ADAMTSL3: variants seen among roughly 807,000 people sequenced by gnomAD.
ADAMTSL3 encodes the protein ADAMTS like 3.
Under a neutral mutation model 201.7 loss-of-function variants are expected in ADAMTSL3, and 128 were observed. That is an observed-to-expected ratio of 0.63 (90% CI 0.55 to 0.73). The LOEUF is 0.73. Among genes scored for constraint, ADAMTSL3 ranks in the 30% least tolerant of loss-of-function variants. The probability of loss-of-function intolerance (pLI) is 0.00; values close to 1 mark genes in which losing one functional copy is unlikely to be tolerated. For missense variants in ADAMTSL3, 1,990 were observed against 2,119.6 expected, an observed-to-expected ratio of 0.94 and a Z score of 1.20; for synonymous variants, 738 against 748.4, an observed-to-expected ratio of 0.99 and a Z score of 0.23.
chr15:83,928,177 T>C (rs2066284910), intron 17 of ADAMTSL3, among the ~76,000 whole-genome samples: 1 of 151,968 alleles, frequency 6.6e-6, no homozygotes, highest in Non-Finnish European at 1.5e-5. Flanking sequence ...AGAGATTAGG[T>C]TTTTCTCTGT....
At chr15:83,799,371 C>G (rs991363467) in intron 4 of ADAMTSL3, among the ~76,000 whole-genome samples, 2 of 152,116 alleles carry the variant, frequency 1.3e-5, no homozygotes, top group African/African-American at 4.8e-5. Context: ...AATTTGATTA[C>G]TTTAAATAGT....
At chr15:83,676,642 C>T (rs2061409458) in intron 2 of ADAMTSL3, among the ~76,000 whole-genome samples, 1 of 152,192 alleles carries the variant, frequency 6.6e-6, no homozygotes, top group African/African-American at 2.4e-5. Flanking sequence ...TGCACCGCTG[C>T]ACTCCAGCCT....
intron 3 of ADAMTSL3, among the ~76,000 whole-genome samples, chr15:83,730,845 C>T (rs2062254210): frequency 6.6e-6 from 1 of 151,794 alleles, no homozygotes; most frequent in Admixed American, 6.6e-5. Context: ...AAATTCTTGC[C>T]AAGGCTAATA....
chr15:83,900,936 C>A (rs2065711676), intron 15 of ADAMTSL3, among the ~76,000 whole-genome samples: 1 of 152,158 alleles, frequency 6.6e-6, no homozygotes, highest in South Asian at 2.1e-4. Flanking sequence ...GTTTTTAGAT[C>A]CCTTCCCAAC....
chr15:83,829,723 T>G (rs1053149018), intron 6 of ADAMTSL3, among the ~76,000 whole-genome samples: 2 of 152,362 alleles, frequency 1.3e-5, no homozygotes, highest in African/African-American at 4.8e-5. Flanking sequence ...TCTGGTATGT[T>G]GTGTCTTTGT....
At chr15:83,844,343 TC>T (rs1018820843) in intron 7 of ADAMTSL3, among the ~76,000 whole-genome samples, 5 of 152,196 alleles carry the variant, frequency 3.3e-5, no homozygotes, top group Non-Finnish European at 7.3e-5. Context: ...TAAGATTTTT[TC>T]CCTTCATCCA....
At chr15:83,783,374 A>C (rs554840719) in intron 4 of ADAMTSL3, among the ~76,000 whole-genome samples, 7 of 152,250 alleles carry the variant, frequency 4.6e-5, no homozygotes, top group Admixed American at 4.6e-4. Flanking sequence ...AATTGTGACA[A>C]ATTCTAAAAC....
chr15:83,762,955 C>T (rs909223683), intron 3 of ADAMTSL3, among the ~76,000 whole-genome samples: 12 of 151,742 alleles, frequency 7.9e-5, no homozygotes, highest in Admixed American at 2.6e-4. Context: ...GATGCAGTCT[C>T]GGCTCACTGC....
chr15:83,823,039 A>G (rs1328710057), intron 6 of ADAMTSL3, among the ~76,000 whole-genome samples: 16 of 151,958 alleles, frequency 1.1e-4, no homozygotes, highest in Non-Finnish European at 2.1e-4. Flanking sequence ...CCAAAAAAAT[A>G]CGAAAACCAG....
intron 2 of ADAMTSL3, among the ~76,000 whole-genome samples, chr15:83,685,936 A>G (rs1038045476): frequency 6.6e-6 from 1 of 152,126 alleles, no homozygotes; most frequent in African/African-American, 2.4e-5. Flanking sequence ...TTTCCCTGTG[A>G]CTTCCCCCGG....
At chr15:83,929,318 T>G (rs2066306738) in intron 17 of ADAMTSL3, among the ~76,000 whole-genome samples, 1 of 152,166 alleles carries the variant, frequency 6.6e-6, no homozygotes, top group South Asian at 2.1e-4. Flanking sequence ...GCGGCGTTGA[T>G]TCTTTCTTAG....
At chr15:83,903,920 A>AGGAAGGAAGGAAGGGAGGGAGGG (rs1329970127) in intron 15 of ADAMTSL3, among the ~76,000 whole-genome samples, 3 of 58,790 alleles carry the variant, frequency 5.1e-5, no homozygotes, top group Admixed American at 2.4e-4. Context: ...TCCACATCAA[A>AGGAAGGAAGGAAGGGAGGGAGGG]AAAAAAAAAA....
At chr15:83,686,527 G>T (rs60474360) in intron 2 of ADAMTSL3, among the ~76,000 whole-genome samples, 21,577 of 152,132 alleles carry the variant, frequency 0.14, 2,103 homozygotes, top group African/African-American at 0.27. Context: ...CAGTTTCATT[G>T]TGGGATTCTT....
intron 7 of ADAMTSL3, among the ~76,000 whole-genome samples, chr15:83,844,883 A>C (rs1317533010): frequency 6.6e-6 from 1 of 152,210 alleles, no homozygotes; most frequent in Non-Finnish European, 1.5e-5. Flanking sequence ...GAATCACCTT[A>C]CACCTATGAT....
intron 23 of ADAMTSL3, among the ~76,000 whole-genome samples, chr15:84,006,432 A>T (rs1345569861): frequency 6.6e-6 from 1 of 152,230 alleles, no homozygotes; most frequent in South Asian, 2.1e-4. Context: ...TGAACAGGCC[A>T]GGGATTTATA....
intron 23 of ADAMTSL3, among the ~76,000 whole-genome samples, chr15:83,997,963 G>A (rs1241444248): frequency 1.3e-5 from 2 of 151,880 alleles, no homozygotes; most frequent in Admixed American, 1.3e-4. Flanking sequence ...TAAGATACCT[G>A]GCCAGTCAGG....
intron 3 of ADAMTSL3, among the ~76,000 whole-genome samples, chr15:83,766,086 A>G (rs74374923): frequency 1.3e-5 from 2 of 150,248 alleles, no homozygotes; most frequent in East Asian, 3.9e-4. Flanking sequence ...TCCAGCTTCC[A>G]GCAGGGTTGG....
rs146216108 is a variant in ADAMTSL3 at position 83,762,581 on chromosome 15, C to T, written c.190-10942C>T. On this transcript the variant is annotated intron_variant, in intron 3 of 29. Transcript: ENST00000286744. Reference sequence around the variant, plus strand: ...AGGGCACGAACGCTATGTCCTCACGCGGTGGGAGGGCAGAAGAGAGGGAAC... The same window carrying T: ...AGGGCACGAACGCTATGTCCTCACGTGGTGGGAGGGCAGAAGAGAGGGAAC... Among the ~76,000 whole-genome samples, 228 of 152,150 alleles carry T rather than the reference C, an allele frequency of 1.5e-3. 2 individuals are homozygous for T. The highest frequency in any genetic ancestry group is 0.011 in the Admixed American group (163 of 15,284).
intron 3 of ADAMTSL3, chr15:83,739,783 C>T: frequency 1.8e-6 from 1 of 558,536 alleles, no homozygotes; most frequent in Non-Finnish European, 3.4e-6. Context: ...AAGTCCCCAT[C>T]ATGCATGAGT....
Sources: gnomAD v4.1 joint callset for allele counts (sites outside exome capture counted in the v4.1 genomes callset) on GRCh38, gnomAD v4.1.1 for gene constraint, MANE v1.5 for transcripts, NCBI Gene and HGNC (gene_info 2026-07-23, HGNC 2026-07-21) for gene names.